Variants in ZNF644 observed in about 807,000 individuals in gnomAD.
ZNF644 encodes zinc finger motif enhancer binding protein 2.
In ZNF644, 20 loss-of-function variants were observed where a neutral mutation model predicts 108.0. That is an observed-to-expected ratio of 0.19 (90% CI 0.13 to 0.27). The LOEUF (loss-of-function observed/expected upper bound fraction) is 0.27. Ranked by LOEUF, ZNF644 falls within the 10% of genes least tolerant of loss-of-function variation. ZNF644 has a pLI of 1.00. For missense variants in ZNF644, 1,338 were observed against 1,548.9 expected, an observed-to-expected ratio of 0.86 and a Z score of 2.29; for synonymous variants, 542 against 539.1, an observed-to-expected ratio of 1.01 and a Z score of -0.08.
intron 2 of ZNF644, among the ~76,000 whole-genome samples, chr1:90,955,382 G>A (rs1419858747): frequency 6.6e-6 from 1 of 152,172 alleles, no homozygotes; most frequent in Non-Finnish European, 1.5e-5. Context: ...TTGAAGCCAG[G>A]CATTTACTTT....
intron 1 of ZNF644, among the ~76,000 whole-genome samples, chr1:91,018,365 C>T (rs770444124): frequency 1.2e-4 from 19 of 152,216 alleles, no homozygotes; most frequent in Non-Finnish European, 2.5e-4. Context: ...TACCTGACAA[C>T]TTTACTCAAT....
At chr1:91,006,867 T>C (rs974400820) in intron 1 of ZNF644, among the ~76,000 whole-genome samples, 1 of 152,134 alleles carries the variant, frequency 6.6e-6, no homozygotes, top group Non-Finnish European at 1.5e-5. Context: ...TATAGTACTT[T>C]TGAAGTAAAT....
intron 1 of ZNF644, among the ~76,000 whole-genome samples, chr1:90,985,590 G>A (rs1657010095): frequency 1.3e-5 from 2 of 152,106 alleles, no homozygotes; most frequent in South Asian, 4.1e-4. Flanking sequence ...ATTTCACTTA[G>A]CATAATGTCC....
In ZNF644 at chr1:90,939,369, T is replaced by C. The variant is rs1651703540; in HGVS notation, c.1985A>G (p.Lys662Arg). Residue 662 changes from lysine to arginine, a missense_variant, in exon 3 of 6, where the codon AAG becomes AGG. Lys to Arg is a conservative substitution (Grantham distance 26, BLOSUM62 2). Coordinates refer to ENST00000337393, the MANE Select transcript of ZNF644 (RefSeq NM_201269.3). ...PKNSALKQDV[K>R]RTFGSTSQSS... is the part of the protein sequence containing the mutation. ...TTGTGAGGTTGATCCAAATGTTCGC[T>C]TCACATCTTGTTTTAAAGCAGAGTT... 6 of 1,613,938 alleles carry C rather than the reference T, an allele frequency of 3.7e-6. No homozygotes were observed. The highest frequency in any genetic ancestry group is 4.2e-6 in the Non-Finnish European group (5 of 1,179,958).
intron 1 of ZNF644, among the ~76,000 whole-genome samples, chr1:90,999,367 A>G (rs1227113977): frequency 3.3e-5 from 5 of 152,228 alleles, no homozygotes; most frequent in African/African-American, 1.2e-4. Context: ...TACAAGCCAG[A>G]AGAGAGTGGT....
At chr1:90,954,044 C>CA (rs1346364306) in intron 2 of ZNF644, among the ~76,000 whole-genome samples, 1 of 152,130 alleles carries the variant, frequency 6.6e-6, no homozygotes, top group African/African-American at 2.4e-5. Flanking sequence ...TATTGACAAT[C>CA]AGAGTGGCAG....
At chr1:90,935,982 C>T (rs139471457) in intron 4 of ZNF644, among the ~76,000 whole-genome samples, 1 of 152,234 alleles carries the variant, frequency 6.6e-6, no homozygotes, top group East Asian at 1.9e-4. Context: ...AGTCTCAATA[C>T]TAAATTAGGC....
chr1:90,980,795 T>C (rs1288721292), intron 2 of ZNF644, among the ~76,000 whole-genome samples: 2 of 152,092 alleles, frequency 1.3e-5, no homozygotes, highest in Non-Finnish European at 2.9e-5. Flanking sequence ...GATGATTACT[T>C]CAGGGGAAAA....
At chr1:90,973,934 T>C (rs774312380) in intron 2 of ZNF644, among the ~76,000 whole-genome samples, 8 of 152,164 alleles carry the variant, frequency 5.3e-5, no homozygotes, top group Non-Finnish European at 1.0e-4. Flanking sequence ...AAGGTCTCTC[T>C]TCTGACTTTC....
At chr1:90,997,686 C>A (rs1488871263) in intron 1 of ZNF644, among the ~76,000 whole-genome samples, 2 of 152,138 alleles carry the variant, frequency 1.3e-5, no homozygotes, top group East Asian at 3.9e-4. Context: ...GTTCATCTCA[C>A]TGGGGAGTGG....
intron 2 of ZNF644, among the ~76,000 whole-genome samples, chr1:90,950,202 C>T (rs1652946364): frequency 7.1e-6 from 1 of 141,382 alleles, no homozygotes; most frequent in African/African-American, 2.6e-5. Flanking sequence ...TGCTTGAACC[C>T]GGGAGGAAAG....
intron 1 of ZNF644, among the ~76,000 whole-genome samples, chr1:91,007,440 C>T (rs1289436808): frequency 6.6e-6 from 1 of 151,844 alleles, no homozygotes; most frequent in African/African-American, 2.4e-5. Context: ...TCTTGAATTC[C>T]TGACCTCAGG....
rs1471143345 is a variant in ZNF644 at position 90,940,985 on chromosome 1, G to C, written c.369C>G (p.Ser123=). ...GAAVNGPVSH[S]SLTKTSNMNK... ...TCATATTGGAAGTCTTAGTTAAGGA[G>C]GAGTGTGAAACTGGTCCATTAACAG... Residue 123 remains serine (S), a synonymous_variant, in exon 3 of 6, where the codon TCC becomes TCG. Transcript: ENST00000337393. 6.2e-7 allele frequency: 1 copy of C among 1,614,060 alleles called. No individual in the cohort carries two copies. Among genetic ancestry groups the C allele is most frequent in the East Asian group, 2.2e-5 (1 of 44,862 alleles).
At chr1:90,984,329 C>G (rs1656869009) in intron 1 of ZNF644, among the ~76,000 whole-genome samples, 1 of 152,156 alleles carries the variant, frequency 6.6e-6, no homozygotes. Context: ...TAAAATACTA[C>G]AGACTGGGTG....
chr1:90,945,960 C>T (rs1484663360), intron 2 of ZNF644, among the ~76,000 whole-genome samples: 11 of 151,948 alleles, frequency 7.2e-5, no homozygotes, highest in African/African-American at 2.7e-4. Context: ...AATTATAATG[C>T]TGCCCACTAG....
intron 2 of ZNF644, among the ~76,000 whole-genome samples, chr1:90,957,408 C>T (rs186936185): frequency 6.6e-6 from 1 of 152,216 alleles, no homozygotes; most frequent in African/African-American, 2.4e-5. Context: ...AAACCAACAG[C>T]ATATTAAAAG....
intron 4 of ZNF644, among the ~76,000 whole-genome samples, chr1:90,932,770 A>AT (rs1350719953): frequency 2.6e-5 from 4 of 152,010 alleles, no homozygotes; most frequent in East Asian, 1.9e-4. Flanking sequence ...GATCAAGAAG[A>AT]TTTTTTTTAA....
At chr1:90,979,252 A>C (rs956373311) in intron 2 of ZNF644, among the ~76,000 whole-genome samples, 2 of 152,184 alleles carry the variant, frequency 1.3e-5, no homozygotes, top group Admixed American at 1.3e-4. Context: ...AGGGTGGGTC[A>C]CCTGAGGTCA....
Position 90,939,455 on chromosome 1 carries a change from T to C in ZNF644, c.1899A>G (p.Glu633=). ...LDKRKNDILE[E]PVDSDSTKTL... ...TTTTAGTGCTATCACTATCTACAGG[T>C]TCTTCAAGGATGTCATTTTTTCTTT... Residue 633 remains glutamate, a synonymous_variant, in exon 3 of 6, where the codon GAA becomes GAG. Coordinates refer to ENST00000337393, the MANE Select transcript of ZNF644 (RefSeq NM_201269.3). The C allele has an allele frequency of 3.1e-6, 5 of 1,613,858 alleles. No individual in the cohort carries two copies. Among genetic ancestry groups the C allele is most frequent in the Non-Finnish European group, 4.2e-6 (5 of 1,179,904 alleles).
Sources: allele counts gnomAD v4.1 joint callset (sites outside exome capture counted in the v4.1 genomes callset), GRCh38; gene constraint gnomAD v4.1.1; transcripts MANE v1.5; gene names NCBI Gene and HGNC (gene_info 2026-07-23, HGNC 2026-07-21).